Variants in INO80 observed in about 807,000 individuals in gnomAD.
INO80 encodes chromatin-remodeling ATPase INO80.
In INO80, 20 loss-of-function variants were observed where a neutral mutation model predicts 203.4. The observed-to-expected ratio is 0.10, with a 90% CI of 0.07 to 0.14. INO80 has a LOEUF of 0.14. Among genes scored for constraint, INO80 ranks in the 10% least tolerant of loss-of-function variants. The pLI is 1.00. For synonymous variants in INO80, 726 were observed against 685.2 expected, an observed-to-expected ratio of 1.06 and a Z score of -0.93; for missense variants, 1,419 against 1,914.4, an observed-to-expected ratio of 0.74 and a Z score of 4.83.
intron 27 of INO80, among the ~76,000 whole-genome samples, chr15:41,008,361 T>C (rs1011047221): frequency 3.3e-5 from 5 of 152,146 alleles, no homozygotes; most frequent in African/African-American, 4.8e-5. Flanking sequence ...GTTCAACTTA[T>C]ATGTGCAAGC....
intron 12 of INO80, among the ~76,000 whole-genome samples, chr15:41,071,092 C>G (rs745698393): frequency 3.9e-5 from 6 of 152,092 alleles, no homozygotes; most frequent in Non-Finnish European, 8.8e-5. Flanking sequence ...TCACTTGAGC[C>G]CAGGAGTTTA....
At chr15:40,999,358 G>A (rs2043926947) in intron 28 of INO80, 2 of 152,168 alleles carry the variant, frequency 1.3e-5, no homozygotes, top group African/African-American at 2.4e-5. Flanking sequence ...CTGCTGAAGT[G>A]ACTAACTGAT....
Position 41,072,062 on chromosome 15 carries a change from G to C in INO80, c.1396-4C>G. On this transcript the variant is annotated splice_region_variant and splice_polypyrimidine_tract_variant and intron_variant, in intron 11 of 35. Transcript: ENST00000648947. ...CATCTTCATCAAATGACCTTGTCTG[G>C]AAAGTAAAAAAAAAAAAAATTAGAA... 7.5e-7 allele frequency: 1 copy of C among 1,339,186 alleles called. No individual in the cohort carries two copies. Among genetic ancestry groups the C allele is most frequent in the Non-Finnish European group, 9.8e-7 (1 of 1,021,294 alleles). The allele number at this position is 1,339,186 out of a possible 1,614,324, so 83.0% of individuals were successfully genotyped here. A position where few individuals can be genotyped will look rare whatever the true frequency, so the allele number is the denominator to read the frequency against.
intron 33 of INO80, 120 bp from the exon 34 acceptor site, chr15:40,984,041 C>A (rs1397101535): frequency 2.9e-6 from 4 of 1,369,266 alleles, no homozygotes; most frequent in Non-Finnish European, 4.0e-6. Flanking sequence ...ACCAACCTGT[C>A]CTCATTTGTT....
At chr15:41,072,080 AATTAG>A in intron 11 of INO80, 22 bp from the exon 12 acceptor site, 1 of 1,428,070 alleles carries the variant, frequency 7.0e-7, no homozygotes, top group East Asian at 2.3e-5. Flanking sequence ...AAAAAAAAAA[AATTAG>A]AAAAAAAAAA....
At chr15:41,100,639 C>A (rs531313807) in intron 1 of INO80, among the ~76,000 whole-genome samples, 7 of 152,206 alleles carry the variant, frequency 4.6e-5, no homozygotes, top group African/African-American at 7.2e-5. Context: ...GCTGTAAGCA[C>A]AAAATTCTCC....
At chr15:41,052,262 C>T (rs1271240938) in intron 19 of INO80, among the ~76,000 whole-genome samples, 1 of 152,052 alleles carries the variant, frequency 6.6e-6, no homozygotes, top group East Asian at 1.9e-4. Flanking sequence ...TGTGACATTG[C>T]TATTTATTAG....
chr15:40,996,614 A>G (rs924467568), intron 29 of INO80, among the ~76,000 whole-genome samples: 2 of 152,074 alleles, frequency 1.3e-5, no homozygotes, highest in Admixed American at 6.5e-5. Flanking sequence ...ATGAGCCACC[A>G]CGCCCAGCCA....
chr15:40,984,331 C>T lies in INO80; in HGVS notation c.3943G>A (p.Asp1315Asn). 1.2e-6 allele frequency: 2 copies of T among 1,614,084 alleles called. No homozygotes were observed. Among genetic ancestry groups the T allele is most frequent in the East Asian group, 2.2e-5 (1 of 44,890 alleles). Residue 1315 changes from aspartate (D) to asparagine (N), a missense_variant, in exon 33 of 36, where the codon GAT becomes AAT. By Grantham distance (23) the Asp-to-Asn change is conservative (BLOSUM62 1). Around this residue, in one of 9 missense-constraint regions of INO80, gnomAD observed 214 missense variants for 248.9 expected, o/e 0.86. Coordinates refer to ENST00000648947, the MANE Select transcript of INO80 (RefSeq NM_017553.3). ...ACACCCTCTTTTCTCCTTTTCCCAT[C>T]CAATTCATCTTCTTTTTTCTTCTGG... ...AEKKKKEDEL[D>N]GKRRKEGVNL...
intron 1 of INO80, 66 bp downstream of exon 1, chr15:41,115,907 G>C: frequency 2.6e-6 from 1 of 380,748 alleles, no homozygotes; most frequent in Admixed American, 4.5e-5. Flanking sequence ...GTCGCCCGCA[G>C]AGAGGGGCGC....
At position 41,036,509 on chromosome 15, in the gene INO80, C is replaced by T. The variant is rs1354648694; in HGVS notation, c.2907+8395G>A. Among the ~76,000 whole-genome samples, 3 of 151,450 alleles carry T rather than the reference C, an allele frequency of 2.0e-5. No individual in the cohort carries two copies. The East Asian group carries it at 5.8e-4, about 29-fold the overall frequency. On this transcript the variant is annotated intron_variant, in intron 24 of 35. Transcript: ENST00000648947. ...CCTATCCTGCCCACTTTCCCTAAAC[C>T]CCTAGAAGTTAGTGCTCTTCACAAA...
rs1455415165 is a variant in INO80, at chr15:40,983,037, G to C, written c.4278C>G (p.His1426Gln). 3.7e-6 allele frequency: 6 copies of C among 1,613,860 alleles called. No individual in the cohort carries two copies. Among genetic ancestry groups the C allele is most frequent in the Non-Finnish European group, 5.1e-6 (6 of 1,180,032 alleles). Residue 1426 changes from histidine (H) to glutamine (Q), a missense_variant, in exon 35 of 36, where the codon CAC (histidine) becomes CAG (glutamine). This residue lies in a region of INO80 where 214 missense variants were observed against 248.9 expected (regional missense o/e 0.86). Transcript: ENST00000648947. ...TGGGGCGGCCTCGGCTTCGGGCTGA[G>C]TGACCACGTCCTGCAGCTGGCATTT... is the stretch of plus-strand genomic sequence containing the variant. ...IQEMPAAGRG[H>Q]SARSRGRPKG...
rs188750450 is a variant in INO80, at chr15:41,048,157, G to C, written c.2641+55C>G. 7.1e-5 allele frequency: 95 copies of C among 1,344,736 alleles called. No individual in the cohort carries two copies. The Admixed American group carries it at 8.6e-4, about 12-fold the overall frequency. The allele number at this position is 1,344,736 out of a possible 1,614,324, so 83.3% of individuals were successfully genotyped here. ...TAAATCAGTCTCTCAGCAAAACAAA[G>C]AGCATCCTGGTAAAACCCTGACAAA... On this transcript the variant is annotated intron_variant, in intron 22 of 35. Coordinates refer to ENST00000648947, the MANE Select transcript of INO80 (RefSeq NM_017553.3).
intron 35 of INO80, among the ~76,000 whole-genome samples, chr15:40,981,362 G>A (rs935302592): frequency 2.0e-5 from 3 of 152,184 alleles, no homozygotes; most frequent in African/African-American, 7.2e-5. Flanking sequence ...CCAGCCATGG[G>A]TGAGACCCTG....
chr15:41,037,892 A>C (rs1409936549), intron 24 of INO80, among the ~76,000 whole-genome samples: 1 of 151,730 alleles, frequency 6.6e-6, no homozygotes, highest in Non-Finnish European at 1.5e-5. Context: ...GCAGTGAGCC[A>C]AGATTGTGCC....
At chr15:41,057,817 A>AAAAAAAAAAAAAAAAAAAAAAG (rs1555403662) in intron 16 of INO80, among the ~76,000 whole-genome samples, 4 of 138,562 alleles carry the variant, frequency 2.9e-5, no homozygotes, top group African/African-American at 1.3e-4. Flanking sequence ...AAAAAAAAAA[A>AAAAAAAAAAAAAAAAAAAAAAG]AAAGAAAGAA....
At chr15:41,076,185 A>C (rs1054297037) in intron 9 of INO80, among the ~76,000 whole-genome samples, 5 of 151,900 alleles carry the variant, frequency 3.3e-5, no homozygotes, top group African/African-American at 1.2e-4. Context: ...ACATGGAGAA[A>C]CCTCGTCTCT....
intron 1 of INO80, among the ~76,000 whole-genome samples, chr15:41,105,783 T>C (rs542796268): frequency 5.4e-4 from 82 of 152,344 alleles, no homozygotes; most frequent in African/African-American, 1.8e-3. Flanking sequence ...TTTCAGTTGG[T>C]TCCTTTGCTC....
In INO80 at chr15:41,021,095, T is replaced by G. The variant is rs757678142; in HGVS notation, c.3079A>C (p.Asn1027His). The G allele has an allele frequency of 6.2e-7, 1 of 1,614,162 alleles. No individual in the cohort carries two copies. Among genetic ancestry groups the G allele is most frequent in the Non-Finnish European group, 8.5e-7 (1 of 1,179,970 alleles). Reference sequence around the variant, plus strand: ...CTTTCATATTCTGCACTTCGGTCATTGCAGTAAGAATCCAATGGCACTGCG... The same window carrying G: ...CTTTCATATTCTGCACTTCGGTCATGGCAGTAAGAATCCAATGGCACTGCG... The part of the protein sequence containing the change: ...VTAVPLDSYC[N>H]DRSAEYERRV... Residue 1027 changes from asparagine (N) to histidine (H), a missense_variant, in exon 26 of 36, where the codon AAT becomes CAT. Around this residue, in one of 9 missense-constraint regions of INO80, gnomAD observed 302 missense variants for 345.4 expected, o/e 0.87. Transcript: ENST00000648947.
Sources: allele counts gnomAD v4.1 joint callset (sites outside exome capture counted in the v4.1 genomes callset), GRCh38; gene constraint gnomAD v4.1.1; regional missense constraint gnomAD v4.1.1; transcripts MANE v1.5; gene names NCBI Gene and HGNC (gene_info 2026-07-23, HGNC 2026-07-21).